DIP2B: variants seen among roughly 807,000 people sequenced by gnomAD.
DIP2B encodes the protein disco-interacting protein 2 homolog B.
Under a neutral mutation model 198.0 loss-of-function variants are expected in DIP2B, and 76 were observed. The observed-to-expected ratio is 0.38, with a 90% CI of 0.32 to 0.46. DIP2B has a LOEUF of 0.46. DIP2B is among the 20% of genes least tolerant of loss of function. DIP2B has a pLI of 0.99. For synonymous variants in DIP2B, 701 were observed against 739.1 expected (o/e 0.95, Z 0.84); for missense variants, 1,559 against 1,978.4 (o/e 0.79, Z 4.02).
chr12:50,576,734 G>A (rs1958665199), intron 1 of DIP2B, among the ~76,000 whole-genome samples: 1 of 139,590 alleles, frequency 7.2e-6, no homozygotes, highest in Non-Finnish European at 1.6e-5. Flanking sequence ...GCCCGCCTCG[G>A]CCTCTCAAAG....
chr12:50,714,730 A>G (rs1592139712), intron 23 of DIP2B, 134 bp downstream of exon 23: 1 of 1,061,428 alleles, frequency 9.4e-7, no homozygotes. Context: ...GTGTGAGCCC[A>G]GGAGCTCGAA....
At chr12:50,544,105 G>A (rs1488969551) in intron 1 of DIP2B, among the ~76,000 whole-genome samples, 8 of 151,122 alleles carry the variant, frequency 5.3e-5, no homozygotes, top group Non-Finnish European at 1.0e-4. Flanking sequence ...GTTCGCGCCT[G>A]TAGTCCCAGT....
chr12:50,637,109 G>A (rs922255031), intron 2 of DIP2B, among the ~76,000 whole-genome samples: 2 of 152,088 alleles, frequency 1.3e-5, no homozygotes, highest in African/African-American at 4.8e-5. Flanking sequence ...GCCCTATAAT[G>A]ATTCAAGGTG....
chr12:50,671,448 C>T (rs1160653827), intron 5 of DIP2B, 50 bp downstream of exon 5: 8 of 1,578,778 alleles, frequency 5.1e-6, no homozygotes, highest in Non-Finnish European at 6.1e-6. Context: ...CATTTGGCTC[C>T]CAGTATCCAG....
intron 19 of DIP2B, among the ~76,000 whole-genome samples, chr12:50,703,474 G>A (rs1432351085): frequency 1.3e-5 from 2 of 152,074 alleles, no homozygotes; most frequent in East Asian, 1.9e-4. Context: ...ATTCATTAAA[G>A]CACCTTTATA....
rs560180152 is a variant in DIP2B at position 50,504,991 on chromosome 12, C to T, written c.-150C>T. The T allele has an allele frequency of 5.6e-6, 3 of 533,958 alleles. 1 individual carries two copies. Among genetic ancestry groups the T allele is most frequent in the South Asian group, 3.6e-5 (2 of 55,586 alleles). The allele number at this position is 533,958 out of a possible 1,614,324, so 33.1% of individuals were successfully genotyped here. A position where few individuals can be genotyped will look rare whatever the true frequency, so the allele number is the denominator to read the frequency against. ...GGCGGGGGCCGTCGCGCTCACGTGA[C>T]CTTTGCTCATGGCGGCGGCGGCGGC... On this transcript the variant is annotated 5_prime_UTR_variant, in exon 1 of 38. Transcript: ENST00000301180.
intron 12 of DIP2B, among the ~76,000 whole-genome samples, chr12:50,688,806 C>A (rs1212618398): frequency 1.3e-5 from 2 of 152,176 alleles, no homozygotes; most frequent in Non-Finnish European, 2.9e-5. Context: ...GTTCCTCTGC[C>A]TCATTGGCCA....
chr12:50,526,400 TGG>T (rs1288664208), intron 1 of DIP2B, among the ~76,000 whole-genome samples: 1 of 152,200 alleles, frequency 6.6e-6, no homozygotes, highest in East Asian at 1.9e-4. Flanking sequence ...CTTTTACAGT[TGG>T]GTGATATGTG....
intron 1 of DIP2B, among the ~76,000 whole-genome samples, chr12:50,522,296 C>T (rs917475037): frequency 5.3e-5 from 8 of 152,158 alleles, no homozygotes; most frequent in Non-Finnish European, 7.3e-5. Flanking sequence ...CCACCACACC[C>T]GGCCACATTT....
intron 1 of DIP2B, among the ~76,000 whole-genome samples, chr12:50,528,641 A>G (rs1213706938): frequency 3.3e-5 from 5 of 152,162 alleles, no homozygotes; most frequent in African/African-American, 9.7e-5. Flanking sequence ...AGTTTAAGCC[A>G]TGAGAATAGA....
chr12:50,721,155 T>C (rs1172837181), intron 25 of DIP2B, 118 bp from the exon 26 acceptor site: 2 of 1,416,622 alleles, frequency 1.4e-6, no homozygotes, highest in Non-Finnish European at 1.9e-6. Flanking sequence ...ATTGATAACT[T>C]GCTAAGGATA....
At chr12:50,666,177 T>C (rs1311366017) in intron 4 of DIP2B, among the ~76,000 whole-genome samples, 1 of 152,252 alleles carries the variant, frequency 6.6e-6, no homozygotes, top group African/African-American at 2.4e-5. Flanking sequence ...CTGTATCCGG[T>C]TGAATTTGTT....
intron 1 of DIP2B, among the ~76,000 whole-genome samples, chr12:50,625,704 A>C (rs1025063439): frequency 6.6e-6 from 1 of 152,172 alleles, no homozygotes; most frequent in South Asian, 2.1e-4. Flanking sequence ...GGGGATGCCT[A>C]GGAACTTGGG....
At chr12:50,739,151 G>A (rs181608735) in intron 35 of DIP2B, among the ~76,000 whole-genome samples, 1 of 152,306 alleles carries the variant, frequency 6.6e-6, no homozygotes, top group East Asian at 1.9e-4. Flanking sequence ...CATGTTAGGT[G>A]AATTAGTTAA....
intron 1 of DIP2B, among the ~76,000 whole-genome samples, chr12:50,554,459 T>C (rs1457791398): frequency 6.6e-6 from 1 of 152,230 alleles, no homozygotes; most frequent in Non-Finnish European, 1.5e-5. Flanking sequence ...GTATTTGTCA[T>C]TGATATGTCT....
chr12:50,645,870 A>T (rs1049135897), intron 3 of DIP2B, among the ~76,000 whole-genome samples: 1 of 152,068 alleles, frequency 6.6e-6, no homozygotes, highest in Admixed American at 6.6e-5. Flanking sequence ...ATGTTATAGT[A>T]ATATAAACAT....
Position 50,686,661 on chromosome 12 carries a change from G to A in DIP2B, c.1530G>A (p.Gly510=). 1 of 1,613,986 alleles carries A rather than the reference G, an allele frequency of 6.2e-7. No homozygotes were observed. The highest frequency in any genetic ancestry group is 8.5e-7 in the Non-Finnish European group (1 of 1,179,962). ...GGCAGCCACACATCTCACCTGCTGGGACAGAACCGGCATACATTGAGGTAA... is the reference window on the plus strand; with the variant it reads ...GGCAGCCACACATCTCACCTGCTGGAACAGAACCGGCATACATTGAGGTAA... The part of the protein sequence containing the change: ...KDWQPHISPA[G]TEPAYIEYKT... Residue 510 remains glycine (G), a synonymous_variant, in exon 12 of 38, where the codon GGG becomes GGA. Transcript: ENST00000301180.
intron 32 of DIP2B, among the ~76,000 whole-genome samples, chr12:50,733,929 G>A (rs1467764943): frequency 6.6e-6 from 1 of 152,174 alleles, no homozygotes; most frequent in Admixed American, 6.5e-5. Context: ...TGAATCCAGG[G>A]ATGAAAGCCC....
At chr12:50,522,747 T>C (rs1376836158) in intron 1 of DIP2B, among the ~76,000 whole-genome samples, 1 of 152,170 alleles carries the variant, frequency 6.6e-6, no homozygotes, top group East Asian at 1.9e-4. Context: ...GTGATATAAA[T>C]GCTAAGTAAG....
Sources: gnomAD v4.1 joint callset for allele counts (sites outside exome capture counted in the v4.1 genomes callset) on GRCh38, gnomAD v4.1.1 for gene constraint, MANE v1.5 for transcripts, NCBI Gene and HGNC (gene_info 2026-07-23, HGNC 2026-07-21) for gene names.